Variants in EBF1 observed in about 807,000 individuals in gnomAD.
EBF1 encodes the protein EBF transcription factor 1.
A neutral mutation model predicts 68.4 loss-of-function variants in EBF1; 10 were observed. That is an observed-to-expected ratio of 0.15 (90% CI 0.09 to 0.25). The LOEUF (loss-of-function observed/expected upper bound fraction) is 0.25, where lower values mean the gene tolerates loss of function less well. Among genes scored for constraint, EBF1 ranks in the 10% least tolerant of loss-of-function variants. EBF1 has a pLI of 1.00. For missense variants in EBF1, 509 were observed against 794.4 expected (o/e 0.64, Z 4.32); for synonymous variants, 298 against 299.8 (o/e 0.99, Z 0.06).
rs151033565 is a variant in EBF1 at position 158,810,969 on chromosome 5, T to C, written c.778+12207A>G. The stretch of plus-strand genomic sequence containing the variant: ...CAGGCCGGCAGAAAAGCCACAATCC[T>C]GCAATCCATGCTTCAGATTTTCTCT... On this transcript the variant is annotated intron_variant, in intron 8 of 15. Transcript: ENST00000313708. Among the ~76,000 whole-genome samples the C allele has an allele frequency of 3.4e-3, 523 of 152,354 alleles. 4 individuals carry two copies. The highest frequency in any genetic ancestry group is 0.012 in the African/African-American group (493 of 41,596).
rs1784579872 is a variant in EBF1 at position 158,820,292 on chromosome 5, G to C, written c.778+2884C>G. Among the ~76,000 whole-genome samples, 3 of 152,134 alleles carry C rather than the reference G, an allele frequency of 2.0e-5. No individual in the cohort carries two copies. In the South Asian group the frequency reaches 6.2e-4, roughly 32 times the overall value. ...TGGGGGGTGGGAGCGGAGACACAGA[G>C]GGATGAGGGTGTATGATTCTCAAAG... On this transcript the variant is annotated intron_variant, in intron 8 of 15. Coordinates refer to ENST00000313708, the MANE Select transcript of EBF1 (RefSeq NM_024007.5).
In EBF1 at chr5:158,697,947, C is replaced by T. The variant is rs775179653; in HGVS notation, c.*1164G>A. The T allele has an allele frequency of 4.8e-6, 1 of 210,354 alleles. No homozygotes were observed. Among genetic ancestry groups the T allele is most frequent in the Non-Finnish European group, 9.6e-6 (1 of 103,654 alleles). 13.0% of individuals were successfully genotyped at this position (210,354 alleles called of 1,614,324 possible). On this transcript the variant is annotated 3_prime_UTR_variant, in exon 16 of 16. Coordinates refer to ENST00000313708, the MANE Select transcript of EBF1 (RefSeq NM_024007.5). ...ACTATGTTTTGGAGGTCTCAACCTT[C>T]TTTTCCTTTCTCCACCCCCGGTTCC...
At position 159,053,661 on chromosome 5, in the gene EBF1, T is replaced by C. The variant is rs1420650007; in HGVS notation, c.554+19735A>G. On this transcript the variant is annotated intron_variant, in intron 6 of 15. Coordinates refer to ENST00000313708, the MANE Select transcript of EBF1 (RefSeq NM_024007.5). ...CACCCCAGACATGGGAATGTGAGTA[T>C]AAGCATCTGCATAGATGCACACTAC... is the stretch of plus-strand genomic sequence containing the variant. Among the ~76,000 whole-genome samples the C allele has an allele frequency of 2.0e-5, 3 of 151,640 alleles. No homozygotes were observed. The East Asian group carries it at 5.8e-4, about 29-fold the overall frequency.
chr5:158,886,661 G>A (rs961342418), intron 6 of EBF1, among the ~76,000 whole-genome samples: 1 of 152,194 alleles, frequency 6.6e-6, no homozygotes, highest in Non-Finnish European at 1.5e-5. Flanking sequence ...GCCAGTTTGA[G>A]AAAATGCATA....
intron 6 of EBF1, among the ~76,000 whole-genome samples, chr5:158,888,378 T>C (rs1191144671): frequency 6.6e-6 from 1 of 152,126 alleles, no homozygotes; most frequent in Non-Finnish European, 1.5e-5. Context: ...TTATGGCTAA[T>C]AAAATGTAAC....
At chr5:158,849,865 A>G (rs1215230051) in intron 6 of EBF1, among the ~76,000 whole-genome samples, 1 of 152,210 alleles carries the variant, frequency 6.6e-6, no homozygotes, top group Non-Finnish European at 1.5e-5. Context: ...GCCCCATTCT[A>G]CAAGGAATAA....
intron 10 of EBF1, among the ~76,000 whole-genome samples, chr5:158,739,006 A>G (rs1294252437): frequency 6.6e-6 from 1 of 152,162 alleles, no homozygotes; most frequent in Non-Finnish European, 1.5e-5. Flanking sequence ...CCTTTTGGGG[A>G]GGCCACCCTA....
At position 158,698,735 on chromosome 5, in the gene EBF1, T is replaced by A. The variant is rs1756157275; in HGVS notation, c.*376A>T. 4.6e-6 allele frequency: 1 copy of A among 216,990 alleles called. No homozygotes were observed. Among genetic ancestry groups the A allele is most frequent in the Non-Finnish European group, 9.1e-6 (1 of 109,460 alleles). The allele number at this position is 216,990 out of a possible 1,614,324, so 13.4% of individuals were successfully genotyped here. On this transcript the variant is annotated 3_prime_UTR_variant, in exon 16 of 16. Coordinates refer to ENST00000313708, the MANE Select transcript of EBF1 (RefSeq NM_024007.5). ...CCTTTACACAGCTTTAAAAACATCA[T>A]AAATTAAAACATGGAGTCTTATTTA...
intron 6 of EBF1, among the ~76,000 whole-genome samples, chr5:159,071,093 A>G (rs1261149272): frequency 6.6e-6 from 1 of 152,234 alleles, no homozygotes; most frequent in Non-Finnish European, 1.5e-5. Flanking sequence ...CAGCACAGAC[A>G]GGACTGGAGC....
chr5:158,824,816 GTCC>G (rs1380208576), intron 7 of EBF1, among the ~76,000 whole-genome samples: 1 of 152,232 alleles, frequency 6.6e-6, no homozygotes, highest in Non-Finnish European at 1.5e-5. Flanking sequence ...AAGTTCCACT[GTCC>G]TCCTCGTTGA....
intron 11 of EBF1, among the ~76,000 whole-genome samples, chr5:158,715,235 C>T (rs559957823): frequency 1.3e-5 from 2 of 152,264 alleles, no homozygotes; most frequent in South Asian, 2.1e-4. Context: ...AAGTTTCAAA[C>T]AGAAGTGTAA....
chr5:158,997,931 C>T (rs1561748348), intron 6 of EBF1, among the ~76,000 whole-genome samples: 1 of 152,106 alleles, frequency 6.6e-6, no homozygotes, highest in African/African-American at 2.4e-5. Context: ...TGTTTTATAC[C>T]TTTGCATATG....
Position 158,805,412 on chromosome 5 carries a change from G to A in EBF1, c.779-8937C>T, listed in dbSNP as rs368152678. 9.0e-4 allele frequency among the ~76,000 whole-genome samples: 137 copies of A among 152,140 alleles called. No individual in the cohort carries two copies. In the Middle Eastern group the frequency reaches 0.01, roughly 11 times the overall value. On this transcript the variant is annotated intron_variant, in intron 8 of 15. Coordinates refer to ENST00000313708, the MANE Select transcript of EBF1 (RefSeq NM_024007.5). ...CCTGATAGGATTAAACCTTTATGCTGAACTCTGCTCCATCTGTTCGCCAAG... is the reference window on the plus strand; with the variant it reads ...CCTGATAGGATTAAACCTTTATGCTAAACTCTGCTCCATCTGTTCGCCAAG...
chr5:158,984,042 A>T lies in EBF1; in HGVS notation c.554+89354T>A, dbSNP rs558350832. Among the ~76,000 whole-genome samples the T allele has an allele frequency of 3.9e-5, 6 of 152,220 alleles. No homozygotes were observed. The East Asian group carries it at 1.2e-3, about 29-fold the overall frequency. On this transcript the variant is annotated intron_variant, in intron 6 of 15. Coordinates refer to ENST00000313708, the MANE Select transcript of EBF1 (RefSeq NM_024007.5). The stretch of plus-strand genomic sequence containing the variant: ...TACTGTTATAATATTTGAGTCCTTT[A>T]GTTAGAAGCTTATTTGCCATGAATC...
At chr5:158,817,544 C>T (rs548264917) in intron 8 of EBF1, among the ~76,000 whole-genome samples, 20 of 152,304 alleles carry the variant, frequency 1.3e-4, no homozygotes, top group Non-Finnish European at 2.4e-4. Flanking sequence ...TGCCCTTGGA[C>T]TTCCCAGCCT....
At chr5:158,874,509 A>G (rs1275327107) in intron 6 of EBF1, among the ~76,000 whole-genome samples, 2 of 152,200 alleles carry the variant, frequency 1.3e-5, no homozygotes, top group East Asian at 1.9e-4. Flanking sequence ...TGTCTACCGA[A>G]ACCAACCACG....
chr5:158,749,680 C>T (rs1768360007), intron 10 of EBF1, among the ~76,000 whole-genome samples: 1 of 152,084 alleles, frequency 6.6e-6, no homozygotes, highest in East Asian at 1.9e-4. Flanking sequence ...ACAGGTAATA[C>T]TTTTGTATTA....
chr5:158,978,733 G>A (rs1561689433), intron 6 of EBF1, among the ~76,000 whole-genome samples: 2 of 150,796 alleles, frequency 1.3e-5, no homozygotes, highest in Admixed American at 6.6e-5. Flanking sequence ...AAAGACTATT[G>A]TTTGATTTTT....
At chr5:158,830,521 G>A (rs748260550) in intron 7 of EBF1, among the ~76,000 whole-genome samples, 8 of 152,038 alleles carry the variant, frequency 5.3e-5, no homozygotes, top group African/African-American at 9.7e-5. Context: ...CGTCCATCTC[G>A]GCCTCCCAAA....
Sources: allele counts gnomAD v4.1 joint callset (sites outside exome capture counted in the v4.1 genomes callset), GRCh38; gene constraint gnomAD v4.1.1; transcripts MANE v1.5; gene names NCBI Gene and HGNC (gene_info 2026-07-23, HGNC 2026-07-21).